KIAA1549: variants seen among roughly 807,000 people sequenced by gnomAD.
KIAA1549 encodes UPF0606 protein KIAA1549.
Under a neutral mutation model 156.4 loss-of-function variants are expected in KIAA1549, and 70 were observed. The observed-to-expected ratio is 0.45, with a 90% CI of 0.37 to 0.55. KIAA1549 has a LOEUF of 0.55. Among genes scored for constraint, KIAA1549 ranks in the 20% least tolerant of loss-of-function variants. The pLI is 0.00. For missense variants in KIAA1549, 2,428 were observed against 2,540.9 expected, an observed-to-expected ratio of 0.96 and a Z score of 0.96; for synonymous variants, 1,103 against 1,066.4, an observed-to-expected ratio of 1.03 and a Z score of -0.67.
intron 12 of KIAA1549, chr7:138,876,269 T>C (rs1811082742): frequency 6.6e-6 from 1 of 152,252 alleles, no homozygotes; most frequent in African/African-American, 2.4e-5. Context: ...ATTTTATAAA[T>C]GGTACAGTAC....
At chr7:138,946,238 A>G (rs1210554447) in intron 1 of KIAA1549, among the ~76,000 whole-genome samples, 1 of 152,198 alleles carries the variant, frequency 6.6e-6, no homozygotes, top group African/African-American at 2.4e-5. Context: ...CACTGGTTAT[A>G]GTTTTCTCTT....
intron 1 of KIAA1549, among the ~76,000 whole-genome samples, chr7:138,921,266 G>C (rs1182772218): frequency 6.6e-6 from 1 of 152,186 alleles, no homozygotes; most frequent in Non-Finnish European, 1.5e-5. Flanking sequence ...AGAACACCTT[G>C]GACTGACTTT....
At chr7:138,934,639 C>T (rs1812959168) in intron 1 of KIAA1549, among the ~76,000 whole-genome samples, 1 of 152,298 alleles carries the variant, frequency 6.6e-6, no homozygotes, top group Non-Finnish European at 1.5e-5. Flanking sequence ...AGCCATTTCA[C>T]ATTCCTGGGT....
Position 138,907,117 on chromosome 7 carries a change from T to A in KIAA1549, c.3277-15A>T. The A allele has an allele frequency of 1.9e-6, 3 of 1,555,812 alleles. No homozygotes were observed. In the South Asian group the frequency reaches 3.8e-5, roughly 20 times the overall value. On this transcript the variant is annotated splice_polypyrimidine_tract_variant and intron_variant, in intron 5 of 19. Transcript: ENST00000422774. ...ATATTCAAGATCTGAAAGAATAAAG[T>A]CAGAATAAGCTTCTATAATAAAACA...
Position 138,944,016 on chromosome 7 carries a change from C to T in KIAA1549, c.188-24578G>A, listed in dbSNP as rs116289583. ...TCCTGGGCTCAAGTGGTCCTCCCAC[C>T]TCGCCCTCCCAAAGTGCTGGGATTA... On this transcript the variant is annotated intron_variant, in intron 1 of 19. Coordinates refer to ENST00000422774, the MANE Select transcript of KIAA1549 (RefSeq NM_001164665.2). Among the ~76,000 whole-genome samples, 615 of 151,648 alleles carry T rather than the reference C, an allele frequency of 4.1e-3. 6 individuals are homozygous for T. The highest frequency in any genetic ancestry group is 0.015 in the African/African-American group (599 of 41,300).
intron 1 of KIAA1549, among the ~76,000 whole-genome samples, chr7:138,948,708 T>C (rs1304820990): frequency 6.8e-6 from 1 of 146,970 alleles, no homozygotes; most frequent in Non-Finnish European, 1.5e-5. Flanking sequence ...TTTTTTTTTT[T>C]TGAGATAGAG....
intron 9 of KIAA1549, among the ~76,000 whole-genome samples, chr7:138,895,129 A>G (rs1221678932): frequency 6.6e-6 from 1 of 152,252 alleles, no homozygotes; most frequent in African/African-American, 2.4e-5. Flanking sequence ...GCTGGGACTC[A>G]ACCATGAACA....
rs534667900 is a variant in KIAA1549 at position 138,882,643 on chromosome 7, G to C, written c.4033-1059C>G. ...AGAACATCTAATAGTTTGGGGCTAAGAAGAGAAAAAGGAAACAAGGAAGAA... is the reference window on the plus strand; with the variant it reads ...AGAACATCTAATAGTTTGGGGCTAACAAGAGAAAAAGGAAACAAGGAAGAA... On this transcript the variant is annotated intron_variant, in intron 10 of 19. Transcript: ENST00000422774. 6.9e-4 allele frequency among the ~76,000 whole-genome samples: 105 copies of C among 152,164 alleles called. 1 individual carries two copies. In the South Asian group the frequency reaches 0.021, roughly 30 times the overall value.
At chr7:138,949,733 G>T (rs1000874844) in intron 1 of KIAA1549, among the ~76,000 whole-genome samples, 6 of 152,318 alleles carry the variant, frequency 3.9e-5, no homozygotes, top group Admixed American at 6.5e-5. Context: ...GGCTTCACAT[G>T]ACTGCAGACC....
chr7:138,911,112 T>C, intron 4 of KIAA1549, 34 bp downstream of exon 4: 1 of 1,388,252 alleles, frequency 7.2e-7, no homozygotes, highest in Non-Finnish European at 9.6e-7. Context: ...AAATTCTTTT[T>C]ACAAATAAAA....
At chr7:138,948,664 T>C (rs1256138462) in intron 1 of KIAA1549, among the ~76,000 whole-genome samples, 1 of 151,114 alleles carries the variant, frequency 6.6e-6, no homozygotes, top group African/African-American at 2.4e-5. Context: ...CAGTGGTTTA[T>C]GGGGTTTATA....
intron 1 of KIAA1549, among the ~76,000 whole-genome samples, chr7:138,961,707 T>G (rs973751818): frequency 6.6e-6 from 1 of 152,244 alleles, no homozygotes; most frequent in South Asian, 2.1e-4. Context: ...CCAGGCACAG[T>G]GGCTCATGCC....
chr7:138,894,598 T>C lies in KIAA1549; in HGVS notation c.3848-72A>G. The C allele has an allele frequency of 2.1e-6, 3 of 1,462,968 alleles. No homozygotes were observed. In the South Asian group the frequency reaches 3.7e-5, roughly 18 times the overall value. 90.6% of individuals were successfully genotyped at this position (1,462,968 alleles called of 1,614,324 possible). On this transcript the variant is annotated intron_variant, in intron 9 of 19. Transcript: ENST00000422774. ...TGCACTAGATTGCACGTGTCTTCTA[T>C]GAGAAACTCAGAAGTCCCTGACATT...
In KIAA1549 at chr7:138,837,941, G is replaced by C; in HGVS notation, c.5818C>G (p.Gln1940Glu). 1 of 1,613,854 alleles carries C rather than the reference G, an allele frequency of 6.2e-7. No homozygotes were observed. Among genetic ancestry groups the C allele is most frequent in the Admixed American group, 1.7e-5 (1 of 60,022 alleles). The part of the protein sequence containing the change: ...AIREELLRLS[Q>E]KQSTVQNFHS ...AAGTTCTGCACGGTGCTCTGTTTCT[G>C]GGAGAGCCGGAGGAGCTCCTCGCGG... is the stretch of plus-strand genomic sequence containing the variant. The change falls in exon 20 of 20, where the codon CAG becomes GAG. Residue 1940 changes from glutamine to glutamate, a missense_variant. Gln to Glu is a conservative substitution (Grantham distance 29). This residue lies in a region of KIAA1549 where 363 missense variants were observed against 354.0 expected (regional missense o/e 1.03). Transcript: ENST00000422774.
Position 138,873,972 on chromosome 7 carries a change from CAT to C in KIAA1549, c.4346-2612_4346-2611del, listed in dbSNP as rs201230270. 9.9e-3 allele frequency among the ~76,000 whole-genome samples: 1,446 copies of C among 146,792 alleles called. 24 individuals carry two copies. Among genetic ancestry groups the C allele is most frequent in the African/African-American group, 0.034 (1,362 of 39,508 alleles). ...ATATATATTATATAATTATATCACA[CAT>C]ATTATATATTAGTATATATTTTTGT... is the stretch of plus-strand genomic sequence containing the variant. On this transcript the variant is annotated intron_variant, in intron 12 of 19. Coordinates refer to ENST00000422774, the MANE Select transcript of KIAA1549 (RefSeq NM_001164665.2).
rs147470540 is a variant in KIAA1549, at chr7:138,921,927, C to G, written c.188-2489G>C. Among the ~76,000 whole-genome samples, 1,190 of 152,180 alleles carry G rather than the reference C, an allele frequency of 7.8e-3. 21 individuals carry two copies. Among genetic ancestry groups the G allele is most frequent in the African/African-American group, 0.027 (1,123 of 41,532 alleles). ...CACAGACATACACAGAAGGAGAACA[C>G]CATGTGAAGATGAAGGCAGAGAGCA... On this transcript the variant is annotated intron_variant, in intron 1 of 19. Coordinates refer to ENST00000422774, the MANE Select transcript of KIAA1549 (RefSeq NM_001164665.2).
chr7:138,873,106 A>T lies in KIAA1549; in HGVS notation c.4346-1744T>A, dbSNP rs554533339. ...GGTCTCTCCTCGGTGTAAAAAACATAGATGAGCAAAGCAGTAAGAAGCAGT... is the reference window on the plus strand; with the variant it reads ...GGTCTCTCCTCGGTGTAAAAAACATTGATGAGCAAAGCAGTAAGAAGCAGT... On this transcript the variant is annotated intron_variant, in intron 12 of 19. Coordinates refer to ENST00000422774, the MANE Select transcript of KIAA1549 (RefSeq NM_001164665.2). Among the ~76,000 whole-genome samples the T allele has an allele frequency of 2.0e-5, 3 of 152,372 alleles. No homozygotes were observed. In the South Asian group the frequency reaches 6.2e-4, roughly 32 times the overall value.
At chr7:138,970,842 T>C (rs1278108012) in intron 1 of KIAA1549, among the ~76,000 whole-genome samples, 1 of 152,154 alleles carries the variant, frequency 6.6e-6, no homozygotes, top group Non-Finnish European at 1.5e-5. Context: ...CCCAACAGTA[T>C]TTACCCAGTG....
chr7:138,867,067 T>C (rs1367576440), intron 15 of KIAA1549, among the ~76,000 whole-genome samples: 1 of 152,178 alleles, frequency 6.6e-6, no homozygotes, highest in Non-Finnish European at 1.5e-5. Context: ...CCTCCCAAAG[T>C]GCTGGCATTA....
Sources: allele counts gnomAD v4.1 joint callset (sites outside exome capture counted in the v4.1 genomes callset), GRCh38; gene constraint gnomAD v4.1.1; regional missense constraint gnomAD v4.1.1; transcripts MANE v1.5; gene names NCBI Gene and HGNC (gene_info 2026-07-23, HGNC 2026-07-21).